The following SLC26A11 variants were observed in gnomAD, a reference collection of about 807,000 sequenced individuals.
SLC26A11 encodes the protein sodium-independent sulfate anion transporter.
Under a neutral mutation model 62.2 loss-of-function variants are expected in SLC26A11, and 58 were observed. The ratio of observed to expected loss-of-function variants is 0.93; its 90% CI spans 0.76 to 1.16. The LOEUF (loss-of-function observed/expected upper bound fraction) is 1.16. SLC26A11 is among the 50% of genes most tolerant of loss of function. The pLI, the probability that SLC26A11 is intolerant of heterozygous loss-of-function variation, is 0.00. For synonymous variants in SLC26A11, 411 were observed against 368.9 expected, an observed-to-expected ratio of 1.11 and a Z score of -1.31; for missense variants, 790 against 794.3, an observed-to-expected ratio of 0.99 and a Z score of 0.06.
intron 6 of SLC26A11, among the ~76,000 whole-genome samples, chr17:80,227,541 T>C (rs1399123310): frequency 1.3e-5 from 2 of 152,254 alleles, no homozygotes; most frequent in Admixed American, 6.5e-5. Context: ...GGGATGCATA[T>C]TGCTTAGGAG....
Position 80,228,029 on chromosome 17 carries a change from T to C in SLC26A11, c.736+69T>C. ...GTTGGGGTCACTTGGGGAGTCCTAG[T>C]CCCACCCTAGGGATTCTCACGTCAT... On this transcript the variant is annotated intron_variant, in intron 7 of 17. Coordinates refer to ENST00000361193, the MANE Select transcript of SLC26A11 (RefSeq NM_001166347.2). The surrounding 1 kb of genome is among the most constrained non-coding windows in gnomAD (Gnocchi z 4.1). 1 of 1,450,148 alleles carries C rather than the reference T, an allele frequency of 6.9e-7. No homozygotes were observed. Among genetic ancestry groups the C allele is most frequent in the Non-Finnish European group, 9.4e-7 (1 of 1,066,050 alleles). 89.8% of individuals were successfully genotyped at this position (1,450,148 alleles called of 1,614,324 possible).
intron 9 of SLC26A11, among the ~76,000 whole-genome samples, chr17:80,239,387 A>ATTTT (rs2042795785): frequency 8.0e-6 from 1 of 124,524 alleles, no homozygotes; most frequent in Non-Finnish European, 1.6e-5. Flanking sequence ...CCCTCCAGTA[A>ATTTT]TTTCTTTTTT....
intron 7 of SLC26A11, among the ~76,000 whole-genome samples, chr17:80,229,142 G>A (rs1157700733): frequency 6.6e-6 from 1 of 152,128 alleles, no homozygotes; most frequent in Non-Finnish European, 1.5e-5. Flanking sequence ...AAATCCAACA[G>A]CCACAGAAGA....
chr17:80,237,352 G>A (rs762333988), intron 8 of SLC26A11, 170 bp from the exon 9 acceptor site: 49 of 751,380 alleles, frequency 6.5e-5, no homozygotes, highest in Non-Finnish European at 6.4e-5. Flanking sequence ...TGAATTTACC[G>A]TGTTCCTCCC....
intron 10 of SLC26A11, 25 bp from the exon 11 acceptor site, chr17:80,245,171 T>A: frequency 6.2e-7 from 1 of 1,612,404 alleles, no homozygotes; most frequent in Non-Finnish European, 8.5e-7. Context: ...CCCTCCACGA[T>A]CAGCCTGTCT....
At chr17:80,231,444 G>A (rs1411943837) in intron 7 of SLC26A11, among the ~76,000 whole-genome samples, 3 of 152,164 alleles carry the variant, frequency 2.0e-5, no homozygotes, top group South Asian at 2.1e-4. Flanking sequence ...GATTACAGGC[G>A]TGAGCCACTG....
chr17:80,243,916 C>T (rs1567963247), intron 10 of SLC26A11, among the ~76,000 whole-genome samples: 1 of 152,224 alleles, frequency 6.6e-6, no homozygotes, highest in Admixed American at 6.5e-5. Flanking sequence ...TCAGCTTCGG[C>T]TCACAGAGTT....
At chr17:80,232,830 G>A (rs746459895) in intron 7 of SLC26A11, among the ~76,000 whole-genome samples, 1 of 152,074 alleles carries the variant, frequency 6.6e-6, no homozygotes, top group Non-Finnish European at 1.5e-5. Context: ...TTTATTGGCT[G>A]ATTAGCTGTA....
At position 80,246,674 on chromosome 17, in the gene SLC26A11, A is replaced by T. The variant is rs746506492; in HGVS notation, c.1294+25A>T. On this transcript the variant is annotated intron_variant, in intron 13 of 17. Coordinates refer to ENST00000361193, the MANE Select transcript of SLC26A11 (RefSeq NM_001166347.2). This position sits in a 1 kb window ranked among gnomAD's most constrained non-coding sequence, Gnocchi z 4.4. ...AGTACGTCCTTGTCCTACAGGGGAG[A>T]GCGCTGTGATGCGGTGTCTGAACGC... 2.5e-6 allele frequency: 4 copies of T among 1,610,272 alleles called. No individual in the cohort carries two copies. The East Asian group carries it at 8.9e-5, about 36-fold the overall frequency.
chr17:80,239,077 ATTTTTT>A (rs111257231), intron 9 of SLC26A11, among the ~76,000 whole-genome samples: 1 of 122,312 alleles, frequency 8.2e-6, no homozygotes, highest in Non-Finnish European at 1.8e-5. Context: ...CCTCCCAGTA[ATTTTTT>A]TTTTTTTTTT....
chr17:80,249,416 C>T, intron 16 of SLC26A11, 129 bp downstream of exon 16: 1 of 1,277,974 alleles, frequency 7.8e-7, no homozygotes, highest in Non-Finnish European at 1.1e-6. Flanking sequence ...GCTGGCTCTG[C>T]TTCTGATTTA....
Position 80,227,887 on chromosome 17 carries a change from C to CGTGCCTCCCGTCCACCCCGAG in SLC26A11, c.664_684dup (p.Val222_Glu228dup). ...TGGTGCTGAAGCTGATGCGGGACCA[C>CGTGCCTCCCGTCCACCCCGAG]GTGCCTCCCGTCCACCCCGAGATGC... On this transcript the variant is annotated inframe_insertion, in exon 7 of 18. Coordinates refer to ENST00000361193, the MANE Select transcript of SLC26A11 (RefSeq NM_001166347.2). 2 of 1,602,116 alleles carry CGTGCCTCCCGTCCACCCCGAG rather than the reference C, an allele frequency of 1.2e-6. No individual in the cohort carries two copies. The highest frequency in any genetic ancestry group is 1.7e-6 in the Non-Finnish European group (2 of 1,179,960).
chr17:80,252,507 G>C lies in SLC26A11; in HGVS notation c.1730-118G>C. The C allele has an allele frequency of 2.4e-6, 2 of 848,124 alleles. No individual in the cohort carries two copies. Among genetic ancestry groups the C allele is most frequent in the Non-Finnish European group, 3.6e-6 (2 of 554,004 alleles). 52.5% of individuals were successfully genotyped at this position (848,124 alleles called of 1,614,324 possible). A position where few individuals can be genotyped will look rare whatever the true frequency, so the allele number is the denominator to read the frequency against. ...GTGACACTGGCCTGGGTGGCCCACAGCTCCTTCCTGCACACCTTCCAGGAC... is the reference window on the plus strand; with the variant it reads ...GTGACACTGGCCTGGGTGGCCCACACCTCCTTCCTGCACACCTTCCAGGAC... On this transcript the variant is annotated intron_variant, in intron 17 of 17. Transcript: ENST00000361193. The surrounding 1 kb of genome is among the most constrained non-coding windows in gnomAD (Gnocchi z 5.2).
chr17:80,220,510 C>T lies in SLC26A11; in HGVS notation c.-214+14C>T, dbSNP rs191923174. The T allele has an allele frequency of 0.014, 6,658 of 475,246 alleles. 202 individuals carry two copies. The highest frequency in any genetic ancestry group is 0.082 in the African/African-American group (4,045 of 49,118). 29.4% of individuals were successfully genotyped at this position (475,246 alleles called of 1,614,324 possible). On this transcript the variant is annotated intron_variant, in intron 1 of 17. Transcript: ENST00000361193. ...ATCGCCGAGTGGGTGAGTCCGTGGCCCGCGAGGGCGGCGAGCGGGGACCAG... is the reference window on the plus strand; with the variant it reads ...ATCGCCGAGTGGGTGAGTCCGTGGCTCGCGAGGGCGGCGAGCGGGGACCAG...
At chr17:80,236,374 C>G (rs527324087) in intron 7 of SLC26A11, among the ~76,000 whole-genome samples, 1 of 152,362 alleles carries the variant, frequency 6.6e-6, no homozygotes, top group African/African-American at 2.4e-5. Flanking sequence ...GCATTGCCCC[C>G]TGAACTCAGG....
intron 9 of SLC26A11, 46 bp downstream of exon 9, chr17:80,237,640 TG>T (rs761123404): frequency 3.8e-6 from 6 of 1,578,292 alleles, no homozygotes; most frequent in Non-Finnish European, 5.2e-6. Context: ...GTGCGCCGGC[TG>T]GGCTAGGCCT....
At position 80,222,997 on chromosome 17, in the gene SLC26A11, G is replaced by A; in HGVS notation, c.427+150G>A. On this transcript the variant is annotated intron_variant, in intron 4 of 17. Transcript: ENST00000361193. The surrounding 1 kb of genome is among the most constrained non-coding windows in gnomAD (Gnocchi z 4.7). ...TAGGTGGGTGGGTGGTGGAGGGGGT[G>A]GGGCACTTGGCTCTTAGTCTACTCT... 1 of 824,726 alleles carries A rather than the reference G, an allele frequency of 1.2e-6. No individual in the cohort carries two copies. The highest frequency in any genetic ancestry group is 1.9e-6 in the Non-Finnish European group (1 of 532,590). The allele number at this position is 824,726 out of a possible 1,614,324, so 51.1% of individuals were successfully genotyped here.
In SLC26A11 at chr17:80,223,473, G is replaced by C. The variant is rs867080518; in HGVS notation, c.513+136G>C. Reference sequence around the variant, plus strand: ...TGCTGTTTCAGATTGTCTTCCATGGGTCAAGAAGCACGCGGTGCTCTCATG... The same window carrying C: ...TGCTGTTTCAGATTGTCTTCCATGGCTCAAGAAGCACGCGGTGCTCTCATG... On this transcript the variant is annotated intron_variant, in intron 5 of 17. Transcript: ENST00000361193. This position sits in a 1 kb window ranked among gnomAD's most constrained non-coding sequence, Gnocchi z 4.6. The C allele has an allele frequency of 3.1e-5, 25 of 804,994 alleles. No homozygotes were observed. In the African/African-American group the frequency reaches 3.6e-4, roughly 12 times the overall value. The allele number at this position is 804,994 out of a possible 1,614,324, so 49.9% of individuals were successfully genotyped here.
intron 13 of SLC26A11, 83 bp from the exon 14 acceptor site, chr17:80,248,047 A>C (rs1419578626): frequency 6.9e-7 from 1 of 1,452,734 alleles, no homozygotes; most frequent in Non-Finnish European, 9.1e-7. Context: ...TGTGGGGGGC[A>C]GAAAGCTGTC....
Sources: gnomAD v4.1 joint callset for allele counts (sites outside exome capture counted in the v4.1 genomes callset) on GRCh38, gnomAD v4.1.1 for gene constraint, Gnocchi (gnomAD v3.1) non-coding constraint, MANE v1.5 for transcripts, NCBI Gene and HGNC (gene_info 2026-07-23, HGNC 2026-07-21) for gene names.